MYO16: variants seen among roughly 807,000 people sequenced by gnomAD.
The protein encoded by MYO16 is unconventional myosin-XVI.
In MYO16, 94 loss-of-function variants were observed where a neutral mutation model predicts 205.3. The observed-to-expected ratio is 0.46, with a 90% CI of 0.39 to 0.54. MYO16 has a LOEUF of 0.54. Ranked by LOEUF, MYO16 falls within the 20% of genes least tolerant of loss-of-function variation. The probability of loss-of-function intolerance (pLI) is 0.00; values close to 1 mark genes in which losing one functional copy is unlikely to be tolerated. For missense variants in MYO16, 2,315 were observed against 2,387.5 expected (o/e 0.97, Z 0.63); for synonymous variants, 988 against 954.0 (o/e 1.04, Z -0.66).
At chr13:108,606,150 G>C (rs957646312) in intron 1 of MYO16, among the ~76,000 whole-genome samples, 4 of 152,192 alleles carry the variant, frequency 2.6e-5, no homozygotes, top group Admixed American at 2.6e-4. Context: ...GAGCATAAAA[G>C]TTTGGAAAAT....
intron 11 of MYO16, among the ~76,000 whole-genome samples, chr13:108,861,101 T>C (rs540275740): frequency 1.1e-4 from 17 of 152,290 alleles, no homozygotes; most frequent in Non-Finnish European, 1.8e-4. Context: ...CAAGGTAATA[T>C]ACAACTCATT....
intron 16 of MYO16, among the ~76,000 whole-genome samples, chr13:108,933,879 A>T (rs990378051): frequency 1.3e-5 from 2 of 151,888 alleles, no homozygotes; most frequent in African/African-American, 2.4e-5. Context: ...GACTTATTTC[A>T]CTTAGGATAA....
chr13:108,776,950 G>A (rs888392676), intron 4 of MYO16, among the ~76,000 whole-genome samples: 3 of 152,114 alleles, frequency 2.0e-5, no homozygotes, highest in Admixed American at 1.3e-4. Context: ...TGCCTTGAGA[G>A]CATCACAGAC....
At position 108,666,106 on chromosome 13, in the gene MYO16, G is replaced by C. The variant is rs761326708; in HGVS notation, c.249G>C (p.Thr83=). The change falls in exon 2 of 35, where the codon ACG becomes ACC. Residue 83 remains threonine, a synonymous_variant. Coordinates refer to ENST00000457511, the MANE Select transcript of MYO16 (RefSeq NM_001198950.3). ...AKNPKVHFNL[T]DMLQDAIIHH... The stretch of plus-strand genomic sequence containing the variant: ...ATCCGAAAGTTCACTTCAACCTCAC[G>C]GACATGCTACAGGACGCGATTATCC... 8 of 1,613,612 alleles carry C rather than the reference G, an allele frequency of 5.0e-6. No individual in the cohort carries two copies. Among genetic ancestry groups the C allele is most frequent in the African/African-American group, 1.3e-5 (1 of 74,886 alleles).
intron 16 of MYO16, among the ~76,000 whole-genome samples, chr13:108,928,835 A>G (rs1485877206): frequency 6.6e-6 from 1 of 152,194 alleles, no homozygotes; most frequent in Non-Finnish European, 1.5e-5. Context: ...ATATCAAACT[A>G]TATTTCAGAC....
intron 6 of MYO16, among the ~76,000 whole-genome samples, chr13:108,795,354 G>T (rs542147605): frequency 1.3e-5 from 2 of 151,856 alleles, no homozygotes; most frequent in Admixed American, 1.3e-4. Context: ...GACTACAGGC[G>T]CATGTCACCA....
At chr13:108,518,396 A>G in the MYO16 span, among the ~76,000 whole-genome samples, 5 of 152,226 alleles carry the variant, frequency 3.3e-5, no homozygotes, top group African/African-American at 1.2e-4. Context: ...CAACAGAAAC[A>G]GGAATAGCAT....
chr13:108,706,454 G>C (rs1485125526), intron 2 of MYO16, among the ~76,000 whole-genome samples: 1 of 152,138 alleles, frequency 6.6e-6, no homozygotes, highest in East Asian at 1.9e-4. Flanking sequence ...GGGAAAAATG[G>C]TAATTCGGTT....
chr13:108,681,935 A>C (rs1882480651), intron 2 of MYO16, among the ~76,000 whole-genome samples: 1 of 152,244 alleles, frequency 6.6e-6, no homozygotes, highest in Non-Finnish European at 1.5e-5. Context: ...GTGCCCCAAG[A>C]CCGTTCCCAG....
chr13:109,055,574 C>T lies in MYO16; in HGVS notation c.3314C>T (p.Ser1105Phe). The change falls in exon 27 of 35, where the codon TCC (serine) becomes TTC (phenylalanine). Residue 1105 changes from serine (S) to phenylalanine (F), a missense_variant. Physicochemically the swap from Ser to Phe is radical, Grantham distance 155. Around this residue, in one of 3 missense-constraint regions of MYO16, gnomAD observed 1,097 missense variants for 1,092.0 expected, o/e 1.00. Transcript: ENST00000457511. The surrounding 1 kb of genome is among the most constrained non-coding windows in gnomAD (Gnocchi z 5.0). ...IFRYGYPVRLSFSDFLSRYKP... is the reference protein window; with the variant it reads ...IFRYGYPVRLFFSDFLSRYKP... Reference sequence around the variant, plus strand: ...CGATATGGATACCCTGTTCGCCTTTCCTTCTCGGATTTCCTGTCAAGGTAA... The same window carrying T: ...CGATATGGATACCCTGTTCGCCTTTTCTTCTCGGATTTCCTGTCAAGGTAA... 1 of 1,611,226 alleles carries T rather than the reference C, an allele frequency of 6.2e-7. No individual in the cohort carries two copies. Among genetic ancestry groups the T allele is most frequent in the South Asian group, 1.1e-5 (1 of 91,060 alleles).
chr13:108,955,939 C>G (rs575334320), intron 16 of MYO16, among the ~76,000 whole-genome samples: 1 of 152,168 alleles, frequency 6.6e-6, no homozygotes, highest in South Asian at 2.1e-4. Flanking sequence ...GTCCTGGACA[C>G]GCCATTCTTT....
intron 3 of MYO16, among the ~76,000 whole-genome samples, chr13:108,726,342 C>T (rs999683683): frequency 7.9e-5 from 12 of 151,934 alleles, no homozygotes; most frequent in Admixed American, 1.3e-4. Context: ...GGGCGGATCA[C>T]GATGTCAAGA....
chr13:108,837,025 G>T (rs538494606), intron 9 of MYO16, among the ~76,000 whole-genome samples: 6 of 152,186 alleles, frequency 3.9e-5, no homozygotes, highest in Non-Finnish European at 5.9e-5. Flanking sequence ...AGGGGCCGGG[G>T]TGAAATGATA....
intron 4 of MYO16, among the ~76,000 whole-genome samples, chr13:108,781,770 G>A (rs1429603677): frequency 3.3e-5 from 5 of 152,174 alleles, no homozygotes; most frequent in Admixed American, 2.6e-4. Context: ...AATCCTGGGG[G>A]CCGGTCTTTC....
Position 109,022,729 on chromosome 13 carries a change from G to A in MYO16, c.2796+2818G>A, listed in dbSNP as rs201156852. On this transcript the variant is annotated intron_variant, in intron 23 of 34. Coordinates refer to ENST00000457511, the MANE Select transcript of MYO16 (RefSeq NM_001198950.3). Reference sequence around the variant, plus strand: ...ATTATATATACGCATATAAACATATGTATATATTATATATATGCATATAAA... The same window carrying A: ...ATTATATATACGCATATAAACATATATATATATTATATATATGCATATAAA... Among the ~76,000 whole-genome samples the A allele has an allele frequency of 4.0e-3, 184 of 46,056 alleles. 24 individuals carry two copies. The East Asian group carries it at 0.084, about 21-fold the overall frequency. The allele number at this position is 46,056 out of a possible 152,430, so 30.2% of individuals were successfully genotyped here. A position where few individuals can be genotyped will look rare whatever the true frequency, so the allele number is the denominator to read the frequency against.
chr13:108,747,075 T>C (rs1885088414), intron 4 of MYO16, among the ~76,000 whole-genome samples: 1 of 152,160 alleles, frequency 6.6e-6, no homozygotes, highest in Admixed American at 6.5e-5. Context: ...TCAATTATCC[T>C]GTGAAAAAGA....
chr13:108,880,912 A>G (rs183940729), intron 12 of MYO16, among the ~76,000 whole-genome samples: 1 of 152,272 alleles, frequency 6.6e-6, no homozygotes, highest in East Asian at 1.9e-4. Flanking sequence ...AGTCATTGGT[A>G]GCTTGATGAA....
chr13:109,176,577 TAA>T (rs36054088), intron 33 of MYO16, among the ~76,000 whole-genome samples: 2,604 of 44,900 alleles, frequency 0.058, 285 homozygotes, highest in African/African-American at 0.22. Flanking sequence ...ATTGTGCTGG[TAA>T]AAAAAAAAAA....
intron 34 of MYO16, among the ~76,000 whole-genome samples, chr13:109,188,576 T>A (rs1027374032): frequency 6.6e-6 from 1 of 151,576 alleles, no homozygotes; most frequent in Non-Finnish European, 1.5e-5. Context: ...TAAAGGGGAG[T>A]TTGTTAGGGA....
Sources: gnomAD v4.1 joint callset for allele counts (sites outside exome capture counted in the v4.1 genomes callset) on GRCh38, gnomAD v4.1.1 for gene constraint, gnomAD v4.1.1 regional missense constraint, Gnocchi (gnomAD v3.1) non-coding constraint, MANE v1.5 for transcripts, NCBI Gene and HGNC (gene_info 2026-07-23, HGNC 2026-07-21) for gene names.